The following DAB1 variants were observed in gnomAD, a reference collection of about 807,000 sequenced individuals.
DAB1 encodes DAB adaptor protein 1, also known as disabled homolog 1.
In DAB1, 15 loss-of-function variants were observed where a neutral mutation model predicts 64.6. The observed-to-expected ratio is 0.23, with a 90% CI of 0.16 to 0.36. DAB1 has a LOEUF of 0.36. DAB1 is among the 10% of genes least tolerant of loss of function. The probability of loss-of-function intolerance (pLI) is 1.00; values close to 1 mark genes in which losing one functional copy is unlikely to be tolerated. For synonymous variants in DAB1, 235 were observed against 251.9 expected (o/e 0.93, Z 0.64); for missense variants, 596 against 706.7 (o/e 0.84, Z 1.78).
At chr1:57,306,344 A>C (rs899250449) in intron 1 of DAB1, among the ~76,000 whole-genome samples, 12 of 152,138 alleles carry the variant, frequency 7.9e-5, no homozygotes, top group African/African-American at 2.9e-4. Context: ...TTTCTCTTGC[A>C]TCTTCCTTTG....
chr1:57,629,784 G>A (rs2101626603), intron 7 of DAB1, among the ~76,000 whole-genome samples: 2 of 149,478 alleles, frequency 1.3e-5, no homozygotes, highest in South Asian at 4.3e-4. Flanking sequence ...CCTGCCAGAA[G>A]GAGGCCTTCT....
intron 2 of DAB1, chr1:58,506,252 G>C (rs779888567): frequency 2.4e-6 from 2 of 818,064 alleles, no homozygotes; most frequent in South Asian, 3.0e-5. Flanking sequence ...GCTCAGTTTT[G>C]AGGATTTTTT....
intron 7 of DAB1, among the ~76,000 whole-genome samples, chr1:57,557,142 A>G (rs1435480268): frequency 6.6e-6 from 1 of 152,152 alleles, no homozygotes; most frequent in Non-Finnish European, 1.5e-5. Context: ...TGGGCTTGGA[A>G]AGGTAGACCG....
intron 4 of DAB1, among the ~76,000 whole-genome samples, chr1:57,102,536 G>A (rs571856127): frequency 2.1e-4 from 32 of 152,290 alleles, no homozygotes; most frequent in Non-Finnish European, 3.8e-4. Context: ...TGAACTCACA[G>A]ATTGAGCGCC....
chr1:57,907,193 C>G (rs1247241542), intron 5 of DAB1, among the ~76,000 whole-genome samples: 1 of 152,194 alleles, frequency 6.6e-6, no homozygotes, highest in Non-Finnish European at 1.5e-5. Flanking sequence ...TTTATCAGGA[C>G]ATAAGCAGGG....
At chr1:58,244,188 A>G (rs984738424) in intron 4 of DAB1, among the ~76,000 whole-genome samples, 3 of 152,220 alleles carry the variant, frequency 2.0e-5, no homozygotes, top group Non-Finnish European at 4.4e-5. Context: ...ATAGAATAAC[A>G]TATGAAAAGT....
intron 5 of DAB1, among the ~76,000 whole-genome samples, chr1:57,921,477 A>T (rs1644806770): frequency 6.6e-6 from 1 of 152,192 alleles, no homozygotes; most frequent in South Asian, 2.1e-4. Context: ...AGGGGAGCAG[A>T]AACACATCCC....
chr1:56,997,962 G>A lies in DAB1; in HGVS notation c.*182C>T, dbSNP rs960541736. The A allele has an allele frequency of 1.3e-5, 2 of 152,592 alleles. No homozygotes were observed. The highest frequency in any genetic ancestry group is 4.8e-5 in the African/African-American group (2 of 41,440). The allele number at this position is 152,592 out of a possible 1,614,324, so 9.5% of individuals were successfully genotyped here. A position where few individuals can be genotyped will look rare whatever the true frequency, so the allele number is the denominator to read the frequency against. On this transcript the variant is annotated 3_prime_UTR_variant, in exon 15 of 15. Coordinates refer to ENST00000371236, the MANE Select transcript of DAB1 (RefSeq NM_001365792.1). ...CCAAAAATGCTTAGTTCCCTCTTCT[G>A]AGCGAGTTCCATTGGGCAATCATGA...
intron 1 of DAB1, among the ~76,000 whole-genome samples, chr1:57,313,988 A>G (rs1202894184): frequency 6.6e-6 from 1 of 152,178 alleles, no homozygotes; most frequent in East Asian, 1.9e-4. Context: ...TGGACCTTCC[A>G]GCCTCCAGGA....
chr1:58,504,550 CTA>C (rs1232486632), intron 3 of DAB1, among the ~76,000 whole-genome samples: 1 of 152,076 alleles, frequency 6.6e-6, no homozygotes, highest in East Asian at 1.9e-4. Flanking sequence ...GCTTGGCATA[CTA>C]TATGTTTGTT....
intron 6 of DAB1, among the ~76,000 whole-genome samples, chr1:57,702,554 G>T (rs1646919086): frequency 6.6e-6 from 1 of 152,046 alleles, no homozygotes; most frequent in Admixed American, 6.5e-5. Flanking sequence ...GGTATGCCAT[G>T]ATGTTATAGA....
At chr1:57,009,854 T>C (rs547059841) in intron 14 of DAB1, among the ~76,000 whole-genome samples, 1 of 152,348 alleles carries the variant, frequency 6.6e-6, no homozygotes, top group Non-Finnish European at 1.5e-5. Flanking sequence ...CAAAAGCCAC[T>C]TCTAGTAAAT....
chr1:58,159,705 A>G (rs1368033337), intron 4 of DAB1, among the ~76,000 whole-genome samples: 1 of 152,204 alleles, frequency 6.6e-6, no homozygotes, highest in Non-Finnish European at 1.5e-5. Flanking sequence ...TGCTTTCTGC[A>G]AGACATTATA....
intron 7 of DAB1, among the ~76,000 whole-genome samples, chr1:57,560,534 A>G (rs945324567): frequency 6.6e-6 from 1 of 152,208 alleles, no homozygotes; most frequent in African/African-American, 2.4e-5. Flanking sequence ...AAAGAGGCAT[A>G]ACACCTAGTG....
intron 2 of DAB1, among the ~76,000 whole-genome samples, chr1:57,156,676 C>T (rs1185310158): frequency 6.6e-6 from 1 of 152,100 alleles, no homozygotes; most frequent in Non-Finnish European, 1.5e-5. Context: ...AATAAAATTC[C>T]TAATGGGATA....
At chr1:57,206,627 G>A (rs1665561611) in intron 2 of DAB1, among the ~76,000 whole-genome samples, 1 of 152,166 alleles carries the variant, frequency 6.6e-6, no homozygotes, top group African/African-American at 2.4e-5. Flanking sequence ...AAACGGAGTT[G>A]AAGCTTAGGT....
chr1:57,430,165 C>T (rs1685445876), intron 7 of DAB1, among the ~76,000 whole-genome samples: 1 of 149,106 alleles, frequency 6.7e-6, no homozygotes, highest in Admixed American at 6.7e-5. Context: ...TTTCTTTCAT[C>T]AACATTTCAG....
chr1:58,480,555 A>G (rs1645463462), intron 3 of DAB1, among the ~76,000 whole-genome samples: 1 of 152,104 alleles, frequency 6.6e-6, no homozygotes, highest in South Asian at 2.1e-4. Flanking sequence ...ATTTCCTGCA[A>G]ACAGATACCT....
chr1:58,004,926 A>T (rs762929811), intron 5 of DAB1, among the ~76,000 whole-genome samples: 4 of 152,160 alleles, frequency 2.6e-5, no homozygotes, highest in Non-Finnish European at 5.9e-5. Flanking sequence ...TCTCTAATAC[A>T]GTTACACTTC....
Sources: gnomAD v4.1 joint callset for allele counts (sites outside exome capture counted in the v4.1 genomes callset) on GRCh38, gnomAD v4.1.1 for gene constraint, MANE v1.5 for transcripts, NCBI Gene and HGNC (gene_info 2026-07-23, HGNC 2026-07-21) for gene names.